GPC5: variants seen among roughly 807,000 people sequenced by gnomAD.
GPC5 encodes the protein glypican-5.
A neutral mutation model predicts 53.9 loss-of-function variants in GPC5; 47 were observed. That is an observed-to-expected ratio of 0.87 (90% CI 0.69 to 1.11). The LOEUF (loss-of-function observed/expected upper bound fraction) is 1.11, where lower values mean the gene tolerates loss of function less well. GPC5 is among the 50% of genes most tolerant of loss of function. The pLI is 0.00. For synonymous variants in GPC5, 286 were observed against 263.3 expected (o/e 1.09, Z -0.84); for missense variants, 748 against 713.1 (o/e 1.05, Z -0.56).
At chr13:92,473,236 A>C (rs1878977697) in intron 7 of GPC5, among the ~76,000 whole-genome samples, 3 of 152,078 alleles carry the variant, frequency 2.0e-5, no homozygotes, top group Admixed American at 1.3e-4. Context: ...CTCAATGCCC[A>C]GTAGAGATGA....
intron 7 of GPC5, among the ~76,000 whole-genome samples, chr13:92,463,745 A>G (rs1247915218): frequency 1.3e-5 from 2 of 152,166 alleles, no homozygotes; most frequent in African/African-American, 4.8e-5. Flanking sequence ...TCCAGATAAT[A>G]CTCCACAAAT....
chr13:92,171,287 A>T (rs1487456633), intron 7 of GPC5, among the ~76,000 whole-genome samples: 1 of 152,132 alleles, frequency 6.6e-6, no homozygotes, highest in African/African-American at 2.4e-5. Flanking sequence ...CTGTATCTTC[A>T]AACTCTTCCT....
chr13:91,548,698 C>G (rs1307971879), intron 2 of GPC5, among the ~76,000 whole-genome samples: 2 of 152,100 alleles, frequency 1.3e-5, no homozygotes, highest in Non-Finnish European at 2.9e-5. Context: ...TACCTGACCT[C>G]AAGACTTTCT....
At chr13:92,057,879 T>C (rs2041088988) in intron 6 of GPC5, among the ~76,000 whole-genome samples, 1 of 152,132 alleles carries the variant, frequency 6.6e-6, no homozygotes. Context: ...GATTGTTTTA[T>C]TGGGGTACAG....
intron 5 of GPC5, among the ~76,000 whole-genome samples, chr13:91,787,959 A>G (rs1257261517): frequency 6.6e-6 from 1 of 152,190 alleles, no homozygotes; most frequent in Non-Finnish European, 1.5e-5. Context: ...TGAAGAATTT[A>G]CCAGCTAATT....
chr13:92,446,890 G>T (rs1432872172), intron 7 of GPC5: 1 of 152,146 alleles, frequency 6.6e-6, no homozygotes, highest in Non-Finnish European at 1.5e-5. Context: ...CGGTGATGTT[G>T]AGTATCTTTT....
intron 5 of GPC5, among the ~76,000 whole-genome samples, chr13:91,780,221 A>C (rs985968961): frequency 6.6e-6 from 1 of 152,192 alleles, no homozygotes; most frequent in African/African-American, 2.4e-5. Flanking sequence ...GCAGTGAATG[A>C]CTTTATAATT....
At chr13:92,381,880 T>TGATATATATCATATATATCATATATATGA (rs1555331657) in intron 7 of GPC5, among the ~76,000 whole-genome samples, 2 of 43,014 alleles carry the variant, frequency 4.6e-5, no homozygotes, top group African/African-American at 1.6e-4. Context: ...ATATATATGA[T>TGATATATATCATATATATCATATATATGA]TATATATATT....
At chr13:92,534,222 G>T (rs77775155) in intron 7 of GPC5, among the ~76,000 whole-genome samples, 11,685 of 152,182 alleles carry the variant, frequency 0.077, 1,363 homozygotes, top group African/African-American at 0.25. Context: ...GGGAGGAAAA[G>T]GTTGCAGTGA....
chr13:92,263,695 T>C (rs2042781807), intron 7 of GPC5, among the ~76,000 whole-genome samples: 1 of 152,166 alleles, frequency 6.6e-6, no homozygotes, highest in South Asian at 2.1e-4. Flanking sequence ...GACAAAATAT[T>C]AACCCATAGT....
At chr13:91,713,906 C>T (rs186023701) in intron 3 of GPC5, among the ~76,000 whole-genome samples, 116 of 152,196 alleles carry the variant, frequency 7.6e-4, no homozygotes, top group Non-Finnish European at 1.3e-3. Context: ...GAGATGATTG[C>T]AGGTAGATAT....
intron 7 of GPC5, among the ~76,000 whole-genome samples, chr13:92,166,943 C>CTCTCTA (rs2042033065): frequency 5.3e-5 from 6 of 112,158 alleles, no homozygotes; most frequent in African/African-American, 2.1e-4. Context: ...CTCTCTCTCT[C>CTCTCTA]TCTCTCTCTC....
chr13:91,629,658 A>T (rs576091861), intron 2 of GPC5, among the ~76,000 whole-genome samples: 2 of 152,040 alleles, frequency 1.3e-5, no homozygotes, highest in East Asian at 3.9e-4. Flanking sequence ...ATATGTATAT[A>T]TTTTTTTTCA....
intron 1 of GPC5, 126 bp downstream of exon 1, chr13:91,399,335 C>A (rs1317662045): frequency 1.8e-5 from 22 of 1,193,564 alleles, no homozygotes; most frequent in Non-Finnish European, 2.3e-5. Context: ...AGGGTGAATC[C>A]CGGGGAGGCT....
Position 92,741,857 on chromosome 13 carries a change from T to C in GPC5, c.1562-124425T>C, listed in dbSNP as rs180841719. Among the ~76,000 whole-genome samples, 12 of 152,236 alleles carry C rather than the reference T, an allele frequency of 7.9e-5. No homozygotes were observed. The East Asian group carries it at 2.3e-3, about 30-fold the overall frequency. Reference sequence around the variant, plus strand: ...CGGTGTTTGGTTTTTTTCCTTGAGATAGTTTGCTGAGAATGATGGTTTCCA... The same window carrying C: ...CGGTGTTTGGTTTTTTTCCTTGAGACAGTTTGCTGAGAATGATGGTTTCCA... On this transcript the variant is annotated intron_variant, in intron 7 of 7. Transcript: ENST00000377067.
intron 7 of GPC5, among the ~76,000 whole-genome samples, chr13:92,321,085 G>C (rs1287634476): frequency 2.0e-5 from 3 of 151,966 alleles, no homozygotes; most frequent in East Asian, 3.9e-4. Flanking sequence ...GATATCTCTG[G>C]AGTAAGTTAC....
chr13:92,196,992 A>G (rs1264982984), intron 7 of GPC5, among the ~76,000 whole-genome samples: 2 of 152,224 alleles, frequency 1.3e-5, no homozygotes, highest in Non-Finnish European at 2.9e-5. Context: ...GGTACACTGG[A>G]AACAATATGA....
intron 7 of GPC5, among the ~76,000 whole-genome samples, chr13:92,538,130 T>C (rs1036416818): frequency 1.3e-5 from 2 of 152,064 alleles, no homozygotes; most frequent in Non-Finnish European, 2.9e-5. Context: ...CCAGGCTAAC[T>C]CACCAAATAA....
At chr13:91,524,809 A>G (rs1886010015) in intron 2 of GPC5, among the ~76,000 whole-genome samples, 2 of 152,352 alleles carry the variant, frequency 1.3e-5, no homozygotes, top group South Asian at 4.1e-4. Flanking sequence ...TGTACTTTGT[A>G]AGAATGAAAT....
Sources: gnomAD v4.1 joint callset for allele counts (sites outside exome capture counted in the v4.1 genomes callset) on GRCh38, gnomAD v4.1.1 for gene constraint, MANE v1.5 for transcripts, NCBI Gene and HGNC (gene_info 2026-07-23, HGNC 2026-07-21) for gene names.